DNAJC10: variants seen among roughly 807,000 people sequenced by gnomAD.
DNAJC10 encodes the protein DnaJ heat shock protein family (Hsp40) member C10.
In DNAJC10, 101 loss-of-function variants were observed where a neutral mutation model predicts 115.0. The ratio of observed to expected loss-of-function variants is 0.88; its 90% confidence interval spans 0.75 to 1.04. The LOEUF (loss-of-function observed/expected upper bound fraction) is 1.04. Among genes scored for constraint, DNAJC10 ranks in the 50% least tolerant of loss-of-function variants. The probability of loss-of-function intolerance (pLI) is 0.00; values close to 1 mark genes in which losing one functional copy is unlikely to be tolerated. For missense variants in DNAJC10, 981 were observed against 928.8 expected (o/e 1.06, Z -0.73); for synonymous variants, 307 against 301.5 (o/e 1.02, Z -0.19).
At chr2:182,758,946 C>G in intron 20 of DNAJC10, 56 bp downstream of exon 20, 1 of 1,306,136 alleles carries the variant, frequency 7.7e-7, no homozygotes, top group East Asian at 2.3e-5. Flanking sequence ...CATTTACCCC[C>G]CTTTTATATC....
intron 20 of DNAJC10, 81 bp downstream of exon 20, chr2:182,758,971 C>T (rs1694225077): frequency 2.5e-6 from 3 of 1,215,012 alleles, no homozygotes; most frequent in Non-Finnish European, 2.4e-6. Context: ...GTTAAATTTA[C>T]TGTGGGTTAA....
At chr2:182,732,277 AG>A (rs1693466507) in intron 9 of DNAJC10, among the ~76,000 whole-genome samples, 1 of 151,794 alleles carries the variant, frequency 6.6e-6, no homozygotes, top group African/African-American at 2.4e-5. Context: ...TAGAAATTAA[AG>A]GGAGAGAATG....
Position 182,777,204 on chromosome 2 carries a change from G to T in DNAJC10, c.*72G>T. 1 of 946,468 alleles carries T rather than the reference G, an allele frequency of 1.1e-6. No homozygotes were observed. Among genetic ancestry groups the T allele is most frequent in the South Asian group, 2.7e-5 (1 of 37,420 alleles). The allele number at this position is 946,468 out of a possible 1,614,324, so 58.6% of individuals were successfully genotyped here. On this transcript the variant is annotated 3_prime_UTR_variant, in exon 24 of 24. Coordinates refer to ENST00000264065, the MANE Select transcript of DNAJC10 (RefSeq NM_018981.4). The stretch of plus-strand genomic sequence containing the variant: ...ACATCAGAAGACACCTATTTAGAAT[G>T]TTACATTTATGATGGGAATGAATGA...
chr2:182,787,751 C>T lies in DNAJC10; in HGVS notation c.*10619C>T, dbSNP rs1405143531. 6.6e-6 allele frequency: 1 copy of T among 152,136 alleles called. No homozygotes were observed. The highest frequency in any genetic ancestry group is 1.5e-5 in the Non-Finnish European group (1 of 68,108). The allele number at this position is 152,136 out of a possible 1,614,324, so 9.4% of individuals were successfully genotyped here. On this transcript the variant is annotated 3_prime_UTR_variant, in exon 24 of 24. Coordinates refer to ENST00000264065, the MANE Select transcript of DNAJC10 (RefSeq NM_018981.4). ...CCTGGACAACCTGGTGAAACCTCCTCTCTACAAGAAAATTCAAAAATTAGC... is the reference window on the plus strand; with the variant it reads ...CCTGGACAACCTGGTGAAACCTCCTTTCTACAAGAAAATTCAAAAATTAGC...
At chr2:182,773,713 CTAGT>C (rs1180025679) in intron 22 of DNAJC10, among the ~76,000 whole-genome samples, 1 of 152,182 alleles carries the variant, frequency 6.6e-6, no homozygotes, top group East Asian at 1.9e-4. Context: ...ACTGTTTATT[CTAGT>C]TAGCCATTCG....
chr2:182,739,163 G>T (rs1693662805), intron 11 of DNAJC10, among the ~76,000 whole-genome samples: 1 of 137,134 alleles, frequency 7.3e-6, no homozygotes, highest in Admixed American at 7.2e-5. Flanking sequence ...GAATGTTTAT[G>T]ATATATATAT....
chr2:182,743,658 C>A lies in DNAJC10; in HGVS notation c.1252C>A (p.Pro418Thr), dbSNP rs1368056960. ...DICSNLYVFQ[P>T]SLAVFKGQGT... The stretch of plus-strand genomic sequence containing the variant: ...CTGTAGTAATCTGTATGTTTTTCAG[C>A]CGTCTCTAGCAGTATTTAAAGGACA... The change falls in exon 14 of 24, where the codon CCG becomes ACG. Residue 418 changes from proline (P) to threonine (T), a missense_variant. Physicochemically the swap from Pro to Thr is conservative, Grantham distance 38. Transcript: ENST00000264065. 6.2e-7 allele frequency: 1 copy of A among 1,613,388 alleles called. No individual in the cohort carries two copies. The highest frequency in any genetic ancestry group is 8.5e-7 in the Non-Finnish European group (1 of 1,179,684).
intron 16 of DNAJC10, among the ~76,000 whole-genome samples, chr2:182,754,517 G>A (rs1694107146): frequency 6.6e-6 from 1 of 152,106 alleles, no homozygotes; most frequent in African/African-American, 2.4e-5. Flanking sequence ...CATTCATAGG[G>A]CATGATTCAT....
In DNAJC10 at chr2:182,736,309, T is replaced by G. The variant is rs1693583755; in HGVS notation, c.910T>G (p.Leu304Val). 6.3e-7 allele frequency: 1 copy of G among 1,597,432 alleles called. No individual in the cohort carries two copies. Among genetic ancestry groups the G allele is most frequent in the Non-Finnish European group, 8.5e-7 (1 of 1,173,912 alleles). Residue 304 changes from leucine to valine, a missense_variant, in exon 11 of 24, where the codon TTA becomes GTA. By Grantham distance (32) the Leu-to-Val change is conservative. Transcript: ENST00000264065. The part of the protein sequence containing the change: ...CATQDNLCKS[L>V]DITTSTTAYF... The stretch of plus-strand genomic sequence containing the variant: ...CACCCAGGATAACCTTTGTAAAAGC[T>G]TAGATATTACAACAAGTACTACTGC...
chr2:182,748,396 C>T (rs1028749385), intron 14 of DNAJC10, among the ~76,000 whole-genome samples: 6 of 152,102 alleles, frequency 3.9e-5, no homozygotes, highest in Non-Finnish European at 5.9e-5. Context: ...TGATTATTGC[C>T]ACAATTTCAG....
chr2:182,774,237 A>G (rs1432928548), intron 22 of DNAJC10, among the ~76,000 whole-genome samples: 2 of 152,186 alleles, frequency 1.3e-5, no homozygotes, highest in Non-Finnish European at 2.9e-5. Flanking sequence ...CCAGAAGGGC[A>G]GCCGCCTATA....
At position 182,752,121 on chromosome 2, in the gene DNAJC10, A is replaced by G. The variant is rs752380299; in HGVS notation, c.1484A>G (p.Asn495Ser). 1.2e-6 allele frequency: 2 copies of G among 1,613,848 alleles called. No homozygotes were observed. The highest frequency in any genetic ancestry group is 2.2e-5 in the South Asian group (2 of 91,050). ...ALLPELRRAS[N>S]LLYGQLKFGT... ...CTACCAGAGTTACGAAGAGCATCAA[A>G]TCTTCTTTATGGTCAGCTTAAGTTT... The change falls in exon 16 of 24, where the codon AAT (asparagine) becomes AGT (serine). Residue 495 changes from asparagine to serine, a missense_variant. By Grantham distance (46) the Asn-to-Ser change is conservative. Transcript: ENST00000264065.
intron 14 of DNAJC10, among the ~76,000 whole-genome samples, chr2:182,744,923 CT>C (rs1218547435): frequency 1.3e-5 from 2 of 152,160 alleles, no homozygotes; most frequent in Non-Finnish European, 2.9e-5. Context: ...CAGACCCCCC[CT>C]CTTCTCTTCT....
At position 182,784,661 on chromosome 2, in the gene DNAJC10, C is replaced by T. The variant is rs1381691263; in HGVS notation, c.*7529C>T. Reference sequence around the variant, plus strand: ...ATAATGATAAGTTTAATTTGCAGCCCTTATAGCTTAGAGGCATTGTAGTTG... The same window carrying T: ...ATAATGATAAGTTTAATTTGCAGCCTTTATAGCTTAGAGGCATTGTAGTTG... On this transcript the variant is annotated 3_prime_UTR_variant, in exon 24 of 24. Coordinates refer to ENST00000264065, the MANE Select transcript of DNAJC10 (RefSeq NM_018981.4). The T allele has an allele frequency of 6.6e-6, 1 of 152,130 alleles. No homozygotes were observed. Among genetic ancestry groups the T allele is most frequent in the African/African-American group, 2.4e-5 (1 of 41,420 alleles). 9.4% of individuals were successfully genotyped at this position (152,130 alleles called of 1,614,324 possible). A position where few individuals can be genotyped will look rare whatever the true frequency, so the allele number is the denominator to read the frequency against.
intron 22 of DNAJC10, among the ~76,000 whole-genome samples, chr2:182,772,150 G>A (rs1411828324): frequency 6.6e-6 from 1 of 152,204 alleles, no homozygotes; most frequent in African/African-American, 2.4e-5. Context: ...TCTTAATCCT[G>A]AGTTCTAATT....
rs6738770 is a variant in DNAJC10, at chr2:182,780,742, A to T, written c.*3610A>T. ...ACTGTCACTGAGTCCCCTTGTAAACAGCTAGGTATATTTTGTGAATGGAAA... is the reference window on the plus strand; with the variant it reads ...ACTGTCACTGAGTCCCCTTGTAAACTGCTAGGTATATTTTGTGAATGGAAA... On this transcript the variant is annotated 3_prime_UTR_variant, in exon 24 of 24. Coordinates refer to ENST00000264065, the MANE Select transcript of DNAJC10 (RefSeq NM_018981.4). 2.0e-5 allele frequency: 3 copies of T among 152,110 alleles called. No homozygotes were observed. The highest frequency in any genetic ancestry group is 1.5e-5 in the Non-Finnish European group (1 of 68,030). The allele number at this position is 152,110 out of a possible 1,614,324, so 9.4% of individuals were successfully genotyped here. A position where few individuals can be genotyped will look rare whatever the true frequency, so the allele number is the denominator to read the frequency against.
rs1695094476 is a variant in DNAJC10 at position 182,793,820 on chromosome 2, T to TCACACACACACACTCACACA, written c.*16701_*16702insTCACACACACACACACACAC. On this transcript the variant is annotated 3_prime_UTR_variant, in exon 24 of 24. Transcript: ENST00000264065. ...TAAAATTTTCCAGAGAGGAAACACA[T>TCACACACACACACTCACACA]CACACACACACACACACACACACAC... The TCACACACACACACTCACACA allele has an allele frequency of 7.4e-6, 1 of 135,636 alleles. No individual in the cohort carries two copies. Among genetic ancestry groups the TCACACACACACACTCACACA allele is most frequent in the Non-Finnish European group, 1.5e-5 (1 of 64,534 alleles). 8.4% of individuals were successfully genotyped at this position (135,636 alleles called of 1,614,324 possible).
At chr2:182,727,651 G>C (rs1358755847) in intron 5 of DNAJC10, among the ~76,000 whole-genome samples, 1 of 152,146 alleles carries the variant, frequency 6.6e-6, no homozygotes, top group African/African-American at 2.4e-5. Flanking sequence ...TCCTGCACCT[G>C]TTTCTAATTA....
intron 1 of DNAJC10, 45 bp from the exon 2 acceptor site, chr2:182,716,971 T>G (rs1693010322): frequency 6.6e-6 from 1 of 152,268 alleles, no homozygotes. Flanking sequence ...GGTTGTTTTC[T>G]TGTTTGGATA....
Sources: allele counts gnomAD v4.1 joint callset (sites outside exome capture counted in the v4.1 genomes callset), GRCh38; gene constraint gnomAD v4.1.1; transcripts MANE v1.5; gene names NCBI Gene and HGNC (gene_info 2026-07-23, HGNC 2026-07-21).